Variants in MTAP observed in about 807,000 individuals in gnomAD.
MTAP encodes the protein methylthioadenosine phosphorylase.
In MTAP, 33 loss-of-function variants were observed where a neutral mutation model predicts 33.6. The observed-to-expected ratio is 0.98, with a 90% CI of 0.74 to 1.31. The LOEUF is 1.31. Ranked by LOEUF, MTAP falls within the 40% of genes most tolerant of loss-of-function variation. The pLI is 0.00. For missense variants in MTAP, 367 were observed against 360.0 expected, an observed-to-expected ratio of 1.02 and a Z score of -0.16; for synonymous variants, 148 against 125.7, an observed-to-expected ratio of 1.18 and a Z score of -1.19.
At chr9:21,895,150 G>A (rs1489009667) in intron 1 of MTAP, among the ~76,000 whole-genome samples, 1 of 152,072 alleles carries the variant, frequency 6.6e-6, no homozygotes, top group Non-Finnish European at 1.5e-5. Context: ...TGCCAATGAC[G>A]TTTTTCATAG....
At chr9:21,904,432 G>A (rs1307090069) in intron 1 of MTAP, among the ~76,000 whole-genome samples, 1 of 152,138 alleles carries the variant, frequency 6.6e-6, no homozygotes, top group Non-Finnish European at 1.5e-5. Context: ...CCCCACTTCC[G>A]TATCATTTAA....
chr9:21,891,156 C>T (rs77715439), intron 1 of MTAP, among the ~76,000 whole-genome samples: 2,505 of 151,978 alleles, frequency 0.016, 66 homozygotes, highest in African/African-American at 0.056. Flanking sequence ...GCAGTAAGTT[C>T]GAAGATTCAA....
intron 5 of MTAP, among the ~76,000 whole-genome samples, chr9:21,849,923 C>G (rs1176992079): frequency 1.3e-5 from 2 of 152,230 alleles, no homozygotes; most frequent in Non-Finnish European, 2.9e-5. Flanking sequence ...GCCTTTTTCT[C>G]TATATCTGTC....
At chr9:21,873,960 G>A (rs1825971245) in intron 1 of MTAP, among the ~76,000 whole-genome samples, 1 of 152,068 alleles carries the variant, frequency 6.6e-6, no homozygotes, top group Non-Finnish European at 1.5e-5. Context: ...AAGATTAACA[G>A]GAAATAGTGT....
intron 4 of MTAP, among the ~76,000 whole-genome samples, chr9:21,821,970 G>T (rs1286822638): frequency 6.6e-6 from 1 of 152,106 alleles, no homozygotes; most frequent in East Asian, 1.9e-4. Context: ...GGGATCGGTG[G>T]TGATATCCCC....
At chr9:21,896,320 T>G (rs989834690) in intron 1 of MTAP, among the ~76,000 whole-genome samples, 6 of 151,900 alleles carry the variant, frequency 3.9e-5, no homozygotes, top group Non-Finnish European at 7.4e-5. Context: ...ACATCACAAT[T>G]AAAAGAACTA....
intron 1 of MTAP, among the ~76,000 whole-genome samples, chr9:21,877,884 G>A (rs1826034093): frequency 6.6e-6 from 1 of 152,102 alleles, no homozygotes; most frequent in Non-Finnish European, 1.5e-5. Context: ...GAATGAGTTG[G>A]GGAGGAGTCC....
intron 5 of MTAP, among the ~76,000 whole-genome samples, chr9:21,841,020 A>G (rs1383418301): frequency 2.6e-5 from 4 of 152,022 alleles, no homozygotes; most frequent in African/African-American, 4.8e-5. Flanking sequence ...GGCAGTCAAG[A>G]TCTCCTCTGG....
chr9:21,934,575 T>C (rs1819012317), downstream of MTAP: 2 of 152,216 alleles, frequency 1.3e-5, no homozygotes, highest in South Asian at 4.1e-4. This position sits in a 1 kb window ranked among gnomAD's most constrained non-coding sequence, Gnocchi z 5.0. Flanking sequence ...ATTATAAAAC[T>C]GTCAGTTTAA....
rs967211598 is a variant in MTAP, at chr9:21,815,302, C to T, written c.34-131C>T. The T allele has an allele frequency of 8.5e-6, 5 of 587,920 alleles. No individual in the cohort carries two copies. In the Admixed American group the frequency reaches 1.8e-4, roughly 22 times the overall value. 36.4% of individuals were successfully genotyped at this position (587,920 alleles called of 1,614,324 possible). Reference sequence around the variant, plus strand: ...TTGTTGATTGATGTTCAGTAATTTTCAGATTTCAAAAAAATAACTAGGGCT... The same window carrying T: ...TTGTTGATTGATGTTCAGTAATTTTTAGATTTCAAAAAAATAACTAGGGCT... On this transcript the variant is annotated intron_variant, in intron 1 of 7. Coordinates refer to ENST00000644715, the MANE Select transcript of MTAP (RefSeq NM_002451.4).
intron 1 of MTAP, among the ~76,000 whole-genome samples, chr9:21,914,489 G>A (rs1191602615): frequency 6.6e-6 from 1 of 152,114 alleles, no homozygotes; most frequent in Non-Finnish European, 1.5e-5. Context: ...TAGGGACATG[G>A]ATGAAGCTGG....
chr9:21,873,616 C>G (rs1013437812), intron 1 of MTAP, among the ~76,000 whole-genome samples: 2 of 99,064 alleles, frequency 2.0e-5, no homozygotes, highest in African/African-American at 4.8e-5. Context: ...CCCCGCCCCC[C>G]ACCCCAAGAA....
intron 5 of MTAP, among the ~76,000 whole-genome samples, chr9:21,842,570 CAAGCCAG>C (rs1563842936): frequency 1.3e-5 from 2 of 152,182 alleles, no homozygotes; most frequent in Admixed American, 1.3e-4. Flanking sequence ...AGAAATCTTA[CAAGCCAG>C]AAGCCAGAAG....
downstream of MTAP, chr9:21,931,261 G>A (rs1818953570): frequency 3.2e-6 from 2 of 619,532 alleles, no homozygotes; most frequent in Non-Finnish European, 5.8e-6. Context: ...AGCAGTTACA[G>A]AAGACTGACC....
chr9:21,814,140 T>C (rs1824419611), intron 1 of MTAP, among the ~76,000 whole-genome samples: 1 of 152,210 alleles, frequency 6.6e-6, no homozygotes, highest in African/African-American at 2.4e-5. Flanking sequence ...ACAGGCAGAG[T>C]TCTTCAGTAA....
intron 1 of MTAP, among the ~76,000 whole-genome samples, chr9:21,920,376 G>T (rs894904358): frequency 7.9e-5 from 12 of 152,150 alleles, no homozygotes; most frequent in African/African-American, 2.9e-4. Context: ...GCCACTGCGT[G>T]ACGCTTTTTT....
At chr9:21,883,538 C>A (rs115998871) in intron 1 of MTAP, among the ~76,000 whole-genome samples, 2,398 of 152,090 alleles carry the variant, frequency 0.016, 63 homozygotes, top group African/African-American at 0.054. Flanking sequence ...ATAGAAACCC[C>A]ACAATAGCCT....
intron 1 of MTAP, among the ~76,000 whole-genome samples, chr9:21,927,681 C>G (rs1587303527): frequency 6.6e-6 from 1 of 152,154 alleles, no homozygotes; most frequent in African/African-American, 2.4e-5. Context: ...GTCCCTTCAC[C>G]CAGTTACAGA....
intron 4 of MTAP, among the ~76,000 whole-genome samples, chr9:21,824,693 C>G (rs1313225609): frequency 6.6e-6 from 1 of 152,170 alleles, no homozygotes; most frequent in Non-Finnish European, 1.5e-5. Flanking sequence ...TGCCCTGCCC[C>G]CAGAGTTGGA....
Sources: allele counts gnomAD v4.1 joint callset (sites outside exome capture counted in the v4.1 genomes callset), GRCh38; gene constraint gnomAD v4.1.1; non-coding constraint Gnocchi (gnomAD v3.1); transcripts MANE v1.5; gene names NCBI Gene and HGNC (gene_info 2026-07-23, HGNC 2026-07-21).